Variants in GART observed in about 807,000 individuals in gnomAD.
GART encodes the protein phosphoribosylglycinamide formyltransferase, phosphoribosylglycinamide synthetase, phosphoribosylaminoimidazole synthetase.
In GART, 43 loss-of-function variants were observed where a neutral mutation model predicts 107.2. The ratio of observed to expected loss-of-function variants is 0.40; its 90% CI spans 0.31 to 0.52. GART has a LOEUF of 0.52. Ranked by LOEUF, GART falls within the 20% of genes least tolerant of loss-of-function variation. GART has a pLI of 0.52. For synonymous variants in GART, 434 were observed against 427.0 expected, an observed-to-expected ratio of 1.02 and a Z score of -0.20; for missense variants, 1,107 against 1,206.5, an observed-to-expected ratio of 0.92 and a Z score of 1.22.
chr21:33,508,235 A>G (rs953148945), intron 18 of GART, among the ~76,000 whole-genome samples: 2 of 152,168 alleles, frequency 1.3e-5, no homozygotes, highest in African/African-American at 2.4e-5. Flanking sequence ...TTATGTTAAA[A>G]CTGACTGATG....
At chr21:33,540,611 G>C (rs2085395208) in intron 1 of GART, among the ~76,000 whole-genome samples, 1 of 152,164 alleles carries the variant, frequency 6.6e-6, no homozygotes, top group South Asian at 2.1e-4. Flanking sequence ...TGTAACCTAG[G>C]AGATTAACTG....
chr21:33,517,257 T>C, intron 15 of GART, 100 bp downstream of exon 15: 1 of 1,549,984 alleles, frequency 6.5e-7, no homozygotes, highest in Non-Finnish European at 8.8e-7. Flanking sequence ...CAAACCAAGG[T>C]AATTCATTCC....
intron 3 of GART, 84 bp downstream of exon 3, chr21:33,535,141 T>C (rs1055544435): frequency 7.3e-6 from 6 of 821,338 alleles, no homozygotes; most frequent in African/African-American, 3.6e-5. Context: ...CAAATTCTCA[T>C]CTGTAAAATG....
chr21:33,531,202 T>G, intron 6 of GART: 1 of 404,932 alleles, frequency 2.5e-6, no homozygotes, highest in Non-Finnish European at 4.3e-6. Context: ...TTATTTATTG[T>G]GCAATAAACT....
upstream of GART, chr21:33,542,803 G>A (rs573480179): frequency 2.5e-5 from 12 of 477,282 alleles, no homozygotes; most frequent in Non-Finnish European, 4.6e-5. Flanking sequence ...GGACACGGTC[G>A]CCTCAAGAGA....
At chr21:33,531,858 T>TTAA (rs1461079369) in intron 5 of GART, 1 of 338,186 alleles carries the variant, frequency 3.0e-6, no homozygotes, top group Non-Finnish European at 5.4e-6. Context: ...TTATCGCCAC[T>TTAA]TAATCCTTAC....
At chr21:33,525,084 CTT>C (rs35083461) in intron 10 of GART, 84 bp from the exon 11 acceptor site, 12,857 of 1,311,990 alleles carry the variant, frequency 9.8e-3, no homozygotes, top group East Asian at 0.022. Context: ...CCACAAGTTT[CTT>C]TTTTTTTTTT....
intron 20 of GART, 151 bp from the exon 21 acceptor site, chr21:33,504,678 G>A: frequency 1.6e-6 from 1 of 640,836 alleles, no homozygotes; most frequent in Non-Finnish European, 2.7e-6. Flanking sequence ...TGAGGTAAAA[G>A]TAAGTTCTCA....
At chr21:33,520,602 G>T in intron 13 of GART, 40 bp from the exon 14 acceptor site, 1 of 1,537,924 alleles carries the variant, frequency 6.5e-7, no homozygotes, top group Non-Finnish European at 8.9e-7. Flanking sequence ...TAGGGAATAA[G>T]TTCAAAATTG....
chr21:33,530,987 AGTTT>A (rs2085176453), intron 6 of GART, 103 bp from the exon 7 acceptor site: 7 of 1,122,774 alleles, frequency 6.2e-6, no homozygotes, highest in African/African-American at 1.7e-5. Context: ...TTTGAGGAAA[AGTTT>A]GTTTTTTTTT....
rs1569020489 is a variant in GART at position 33,520,546 on chromosome 21, T to C, written c.1520A>G (p.Asn507Ser). The change falls in exon 14 of 22, where the codon AAT (asparagine) becomes AGT (serine). Residue 507 changes from asparagine (N) to serine (S), a missense_variant. Coordinates refer to ENST00000381815, the MANE Select transcript of GART (RefSeq NM_000819.5). ...ATCTTGACCAATGGTATCATGTTTA[T>C]TGCATAGCTGGGCAATCTATGTAAG... ...GTKLKIAQLC[N>S]KHDTIGQDLV... The C allele has an allele frequency of 6.2e-7, 1 of 1,614,024 alleles. No individual in the cohort carries two copies. The highest frequency in any genetic ancestry group is 8.5e-7 in the Non-Finnish European group (1 of 1,179,920).
intron 12 of GART, among the ~76,000 whole-genome samples, chr21:33,521,956 A>G (rs1215132949): frequency 1.3e-5 from 2 of 151,364 alleles, no homozygotes; most frequent in Non-Finnish European, 3.0e-5. Flanking sequence ...TGTCTCAAAA[A>G]AAAAAAAAAA....
intron 14 of GART, among the ~76,000 whole-genome samples, chr21:33,519,755 G>C (rs2084936459): frequency 6.6e-6 from 1 of 151,734 alleles, no homozygotes; most frequent in Non-Finnish European, 1.5e-5. Flanking sequence ...TTGAACCCAG[G>C]AGGTCAAGGC....
chr21:33,529,976 C>T (rs1437328874), intron 7 of GART, among the ~76,000 whole-genome samples: 1 of 151,836 alleles, frequency 6.6e-6, no homozygotes, highest in East Asian at 2.0e-4. Context: ...GGGCAGATCA[C>T]GGGTCAAGAG....
At position 33,524,852 on chromosome 21, in the gene GART, T is replaced by C; in HGVS notation, c.1215A>G (p.Lys405=). 6.2e-7 allele frequency: 1 copy of C among 1,614,204 alleles called. No homozygotes were observed. Among genetic ancestry groups the C allele is most frequent in the Non-Finnish European group, 8.5e-7 (1 of 1,180,028 alleles). Residue 405 remains lysine, a synonymous_variant, in exon 11 of 22, where the codon AAA becomes AAG. Transcript: ENST00000381815. ...NLISALEEAK[K]GLAAIKFEGA... ...CCTCAAACTTTATAGCAGCTAGTCCTTTCTTGGCTTCCTCAAGGGCTGATA... is the reference window on the plus strand; with the variant it reads ...CCTCAAACTTTATAGCAGCTAGTCCCTTCTTGGCTTCCTCAAGGGCTGATA...
chr21:33,506,461 A>G (rs2084684162), intron 18 of GART, among the ~76,000 whole-genome samples: 1 of 152,200 alleles, frequency 6.6e-6, no homozygotes, highest in African/African-American at 2.4e-5. Context: ...TTAAAAAAAG[A>G]GATGTGCCAT....
intron 11 of GART, among the ~76,000 whole-genome samples, chr21:33,522,522 T>C (rs191572699): frequency 6.6e-6 from 1 of 152,350 alleles, no homozygotes; most frequent in East Asian, 1.9e-4. Context: ...ACATCATCCC[T>C]GAGAACCGCT....
Position 33,506,086 on chromosome 21 carries a change from AGTGCTTGCAG to A in GART, c.2461_2470del (p.Gln822Ter). Reference sequence around the variant, plus strand: ...ATTTGGTTCCCGAGTACTGTCTATAAGTGCTTGCAGGTTCGATCCTGAGAAGGGAGAAAAA... The same window carrying A: ...ATTTGGTTCCCGAGTACTGTCTATAAGTTCGATCCTGAGAAGGGAGAAAAA... On this transcript the variant is annotated frameshift_variant, in exon 19 of 22. Transcript: ENST00000381815. LOFTEE classifies it high-confidence loss of function. 1.2e-6 allele frequency: 2 copies of A among 1,613,872 alleles called. No homozygotes were observed. Among genetic ancestry groups the A allele is most frequent in the Non-Finnish European group, 1.7e-6 (2 of 1,179,936 alleles).
rs563211525 is a variant in GART, at chr21:33,525,053, C to A, written c.1067-53G>T. 7.1e-5 allele frequency: 110 copies of A among 1,552,612 alleles called. No homozygotes were observed. In the African/African-American group the frequency reaches 1.4e-3, roughly 20 times the overall value. On this transcript the variant is annotated intron_variant, in intron 10 of 21. Coordinates refer to ENST00000381815, the MANE Select transcript of GART (RefSeq NM_000819.5). ...TTTCAAATAGCAACAGTATTTCACA[C>A]CGTGAAGTGATTTACGATTTCCACA...
Sources: gnomAD v4.1 joint callset for allele counts (sites outside exome capture counted in the v4.1 genomes callset) on GRCh38, gnomAD v4.1.1 for gene constraint, MANE v1.5 for transcripts, NCBI Gene and HGNC (gene_info 2026-07-23, HGNC 2026-07-21) for gene names.